Variants in ALG13 observed in about 807,000 individuals in gnomAD.
ALG13 encodes ALG13 UDP-N-acetylglucosaminyltransferase subunit, also known as UDP-N-acetylglucosamine transferase subunit ALG13.
Under a neutral mutation model 87.8 loss-of-function variants are expected in ALG13, and 11 were observed. The ratio of observed to expected loss-of-function variants is 0.13; its 90% CI spans 0.08 to 0.21. The LOEUF is 0.21. Among genes scored for constraint, ALG13 ranks in the 10% least tolerant of loss-of-function variants. The pLI, the probability that ALG13 is intolerant of heterozygous loss-of-function variation, is 1.00. For missense variants in ALG13, 756 were observed against 866.1 expected, an observed-to-expected ratio of 0.87 and a Z score of 1.60; for synonymous variants, 320 against 306.3, an observed-to-expected ratio of 1.04 and a Z score of -0.47.
intron 3 of ALG13, among the ~76,000 whole-genome samples, chrX:111,697,862 T>G (rs1937177218): frequency 8.9e-6 from 1 of 112,075 alleles, no homozygotes; most frequent in Non-Finnish European, 1.9e-5. Context: ...TAGGTAGGTC[T>G]TAAAACTATT....
chrX:111,730,654 A>T, intron 21 of ALG13, 74 bp downstream of exon 21: 2 of 776,224 alleles, frequency 2.6e-6, no homozygotes, highest in Non-Finnish European at 1.9e-6. Flanking sequence ...TATACATATA[A>T]ATGTATTTAA....
intron 3 of ALG13, among the ~76,000 whole-genome samples, chrX:111,690,595 C>A (rs759948601): frequency 9.0e-6 from 1 of 110,746 alleles, no homozygotes; most frequent in South Asian, 3.9e-4. Context: ...CACCTTAGAC[C>A]TCTACTTTTT....
At chrX:111,755,636 AAAG>A (rs1337415600) in intron 25 of ALG13, among the ~76,000 whole-genome samples, 1 of 112,827 alleles carries the variant, frequency 8.9e-6, no homozygotes, top group African/African-American at 3.2e-5. Flanking sequence ...ACACTTTTCA[AAAG>A]AAGACATTTA....
In ALG13 at chrX:111,750,723, A is replaced by C. The variant is rs1312995472; in HGVS notation, c.2933-2067A>C. Among the ~76,000 whole-genome samples, 3 of 110,271 alleles carry C rather than the reference A, an allele frequency of 2.7e-5. No homozygotes were observed. In the Admixed American group the frequency reaches 2.9e-4, roughly 11 times the overall value. On this transcript the variant is annotated intron_variant, in intron 24 of 26. Transcript: ENST00000394780. ...GTCTCTGTCGCCCAGGCTGGAGTGC[A>C]GTGGTGCAATCTTGGCTCACTACAA... is the stretch of plus-strand genomic sequence containing the variant.
At chrX:111,690,147 T>TACA in intron 3 of ALG13, 1 of 753,050 alleles carries the variant, frequency 1.3e-6, no homozygotes, top group Non-Finnish European at 1.6e-6. Flanking sequence ...ATCTTATTAG[T>TACA]CCTTATTAAA....
At chrX:111,693,164 C>CTTTTTTTTTTTTTT (rs61239915) in intron 3 of ALG13, among the ~76,000 whole-genome samples, 1 of 55,113 alleles carries the variant, frequency 1.8e-5, no homozygotes, top group Non-Finnish European at 3.5e-5. Context: ...GTTTTTAATT[C>CTTTTTTTTTTTTTT]TTTTTTTTTT....
chrX:111,684,018 A>G (rs1934268170), intron 2 of ALG13, among the ~76,000 whole-genome samples: 1 of 112,102 alleles, frequency 8.9e-6, no homozygotes, highest in Non-Finnish European at 1.9e-5. Context: ...CCATCGTACA[A>G]TGGTTTCACT....
chrX:111,712,911 A>G lies in ALG13; in HGVS notation c.933-314A>G, dbSNP rs752847989. On this transcript the variant is annotated intron_variant, in intron 7 of 26. Coordinates refer to ENST00000394780, the MANE Select transcript of ALG13 (RefSeq NM_001099922.3). Reference sequence around the variant, plus strand: ...CAAAAAAATTGCCAACCTCTGCTTTAAATAAAGGAGAGCACCATCCCCCAA... The same window carrying G: ...CAAAAAAATTGCCAACCTCTGCTTTGAATAAAGGAGAGCACCATCCCCCAA... Among the ~76,000 whole-genome samples the G allele has an allele frequency of 6.5e-4, 72 of 110,918 alleles. 3 individuals carry two copies. The highest frequency in any genetic ancestry group is 2.2e-3 in the African/African-American group (66 of 30,595).
At chrX:111,709,546 C>G (rs1313525794) in intron 5 of ALG13, among the ~76,000 whole-genome samples, 1 of 111,878 alleles carries the variant, frequency 8.9e-6, no homozygotes, top group Non-Finnish European at 1.9e-5. Flanking sequence ...GTCTAAGTAT[C>G]TAGTCTTTCC....
chrX:111,683,135 G>A (rs1352445273), intron 2 of ALG13, among the ~76,000 whole-genome samples: 1 of 109,597 alleles, frequency 9.1e-6, no homozygotes, highest in Non-Finnish European at 1.9e-5. Flanking sequence ...TGAATGCTTT[G>A]TGTATATTAA....
chrX:111,707,434 C>T (rs984876188), intron 3 of ALG13, among the ~76,000 whole-genome samples: 1 of 111,956 alleles, frequency 8.9e-6, no homozygotes, highest in African/African-American at 3.2e-5. Context: ...TTTCTGTGAT[C>T]CTGGCAGAGA....
chrX:111,745,459 T>C (rs1228209327), intron 24 of ALG13, among the ~76,000 whole-genome samples: 1 of 111,174 alleles, frequency 9.0e-6, no homozygotes, highest in East Asian at 2.8e-4. Flanking sequence ...AAGAGAATTA[T>C]AGTTGAGAAT....
intron 1 of ALG13, 170 bp downstream of exon 1, chrX:111,681,469 C>A: frequency 9.3e-7 from 1 of 1,069,590 alleles, no homozygotes; most frequent in Non-Finnish European, 1.2e-6. Context: ...CCGGCGGGGC[C>A]CTTCTCCGGC....
intron 19 of ALG13, among the ~76,000 whole-genome samples, chrX:111,729,480 G>A (rs1569519973): frequency 9.0e-6 from 1 of 111,538 alleles, no homozygotes; most frequent in East Asian, 2.8e-4. Flanking sequence ...GTACGTGTGT[G>A]CATGCGTGTG....
chrX:111,720,041 A>G (rs924301776), intron 10 of ALG13, 54 bp from the exon 11 acceptor site: 7 of 903,121 alleles, frequency 7.8e-6, no homozygotes, highest in African/African-American at 2.0e-5. Context: ...TAGGCTTAAC[A>G]TAAGTAAATT....
intron 3 of ALG13, among the ~76,000 whole-genome samples, chrX:111,690,895 C>G (rs1368090519): frequency 1.8e-5 from 2 of 111,084 alleles, no homozygotes; most frequent in Admixed American, 9.6e-5. Flanking sequence ...CTTCCTGGCC[C>G]TTTATTGTGG....
At chrX:111,682,060 A>AGTG in intron 1 of ALG13, 72 bp from the exon 2 acceptor site, 2 of 987,116 alleles carry the variant, frequency 2.0e-6, no homozygotes, top group Non-Finnish European at 2.7e-6. Context: ...AAACTTTAGT[A>AGTG]GTGGTGGTGG....
chrX:111,700,037 G>A (rs1181237863), intron 3 of ALG13, among the ~76,000 whole-genome samples: 2 of 88,972 alleles, frequency 2.2e-5, no homozygotes, highest in Non-Finnish European at 4.3e-5. Flanking sequence ...TTTATTTGTG[G>A]GTTTTTTTTT....
chrX:111,720,068 C>T lies in ALG13; in HGVS notation c.1251-27C>T, dbSNP rs373650527. 1.4e-4 allele frequency: 157 copies of T among 1,083,528 alleles called. No individual in the cohort carries two copies. In the African/African-American group the frequency reaches 2.8e-3, roughly 19 times the overall value. The allele number at this position is 1,083,528 out of a possible 1,213,427, so 89.3% of individuals were successfully genotyped here. A position where few individuals can be genotyped will look rare whatever the true frequency, so the allele number is the denominator to read the frequency against. ...AAGTAAATTCTTCATTTATAAAAAG[C>T]TCTTTGCTCTAAATCTTTTGAATTA... On this transcript the variant is annotated intron_variant, in intron 10 of 26. Transcript: ENST00000394780.
Sources: gnomAD v4.1 joint callset for allele counts (sites outside exome capture counted in the v4.1 genomes callset) on GRCh38, gnomAD v4.1.1 for gene constraint, MANE v1.5 for transcripts, NCBI Gene and HGNC (gene_info 2026-07-23, HGNC 2026-07-21) for gene names.